The following GABBR2 variants were observed in gnomAD, a reference collection of about 807,000 sequenced individuals.
GABBR2 encodes G-protein coupled receptor 51.
Under a neutral mutation model 105.6 loss-of-function variants are expected in GABBR2, and 23 were observed. The ratio of observed to expected loss-of-function variants is 0.22; its 90% confidence interval spans 0.16 to 0.31. GABBR2 has a LOEUF of 0.31. Among genes scored for constraint, GABBR2 ranks in the 10% least tolerant of loss-of-function variants. The probability of loss-of-function intolerance (pLI) is 1.00; values close to 1 mark genes in which losing one functional copy is unlikely to be tolerated. For missense variants in GABBR2, 734 were observed against 1,245.5 expected (o/e 0.59, Z 6.18); for synonymous variants, 478 against 499.7 (o/e 0.96, Z 0.58).
intron 12 of GABBR2, among the ~76,000 whole-genome samples, chr9:98,366,371 G>A (rs576609374): frequency 6.6e-6 from 1 of 152,192 alleles, no homozygotes; most frequent in Non-Finnish European, 1.5e-5. Flanking sequence ...GGAGGGTAAG[G>A]TAGAGAAGAG....
At position 98,330,081 on chromosome 9, in the gene GABBR2, C is replaced by T. The variant is rs150136292; in HGVS notation, c.1894-18876G>A. 5.6e-3 allele frequency among the ~76,000 whole-genome samples: 850 copies of T among 152,276 alleles called. 7 individuals carry two copies. The highest frequency in any genetic ancestry group is 0.02 in the African/African-American group (819 of 41,538). On this transcript the variant is annotated intron_variant, in intron 13 of 18. Transcript: ENST00000259455. ...CTCCACTGCTGAATTTCCTGTATGGCTCTCCAGTGCCTCCAGGTTAAAGTC... is the reference window on the plus strand; with the variant it reads ...CTCCACTGCTGAATTTCCTGTATGGTTCTCCAGTGCCTCCAGGTTAAAGTC...
chr9:98,627,993 T>C (rs1379955471), intron 1 of GABBR2, among the ~76,000 whole-genome samples: 1 of 152,238 alleles, frequency 6.6e-6, no homozygotes, highest in African/African-American at 2.4e-5. Flanking sequence ...CAAGACTTCA[T>C]GTTCCAATTG....
chr9:98,483,405 G>C (rs1016048494), intron 4 of GABBR2, among the ~76,000 whole-genome samples: 1 of 152,212 alleles, frequency 6.6e-6, no homozygotes, highest in Middle Eastern at 3.4e-3. Flanking sequence ...CAGAGGAAGG[G>C]TTCATTCCTA....
chr9:98,648,162 T>C (rs10125405), intron 1 of GABBR2, among the ~76,000 whole-genome samples: 38,008 of 148,180 alleles, frequency 0.26, 5,871 homozygotes, highest in East Asian at 0.54. Flanking sequence ...GATAGAGTCT[T>C]ACTCTGTCAC....
chr9:98,465,121 T>TAAAAAAA (rs57747633), intron 6 of GABBR2, among the ~76,000 whole-genome samples: 2 of 21,978 alleles, frequency 9.1e-5, no homozygotes, highest in Non-Finnish European at 1.5e-4. Flanking sequence ...CAATAAATAC[T>TAAAAAAA]AAAAAAAAAA....
At chr9:98,629,370 C>G (rs1829787853) in intron 1 of GABBR2, among the ~76,000 whole-genome samples, 1 of 152,186 alleles carries the variant, frequency 6.6e-6, no homozygotes. Flanking sequence ...TAAGTTGATT[C>G]TAATCATTCA....
In GABBR2 at chr9:98,319,300, G is replaced by A. The variant is rs115821376; in HGVS notation, c.1894-8095C>T. ...CCCCCACTGCAGACAGCCACAGAGC[G>A]CTGGAGCTGGGAGGAACCTTCCAGA... On this transcript the variant is annotated intron_variant, in intron 13 of 18. Transcript: ENST00000259455. 1.6e-3 allele frequency among the ~76,000 whole-genome samples: 246 copies of A among 152,264 alleles called. 1 individual carries two copies. The highest frequency in any genetic ancestry group is 5.8e-3 in the African/African-American group (239 of 41,540).
intron 13 of GABBR2, among the ~76,000 whole-genome samples, chr9:98,362,256 G>A (rs1315620600): frequency 6.6e-6 from 1 of 152,214 alleles, no homozygotes. Flanking sequence ...TTTATGTGAG[G>A]TTCCTTATTT....
At chr9:98,574,096 G>A (rs1247982344) in intron 2 of GABBR2, among the ~76,000 whole-genome samples, 1 of 152,210 alleles carries the variant, frequency 6.6e-6, no homozygotes, top group African/African-American at 2.4e-5. Flanking sequence ...ATGAGCAGGA[G>A]TTCTGCAAAA....
intron 4 of GABBR2, among the ~76,000 whole-genome samples, chr9:98,489,875 C>T (rs1452526988): frequency 6.6e-6 from 1 of 152,150 alleles, no homozygotes; most frequent in Non-Finnish European, 1.5e-5. Context: ...GACGGATCAC[C>T]TAAGGTCAGG....
At chr9:98,492,480 T>C (rs71501865) in intron 4 of GABBR2, among the ~76,000 whole-genome samples, 2 of 151,992 alleles carry the variant, frequency 1.3e-5, no homozygotes, top group South Asian at 2.1e-4. Flanking sequence ...TAGTATTTTG[T>C]GCATTTGTCA....
At position 98,527,648 on chromosome 9, in the gene GABBR2, G is replaced by A. The variant is rs189024709; in HGVS notation, c.630+14225C>T. Among the ~76,000 whole-genome samples, 397 of 151,974 alleles carry A rather than the reference G, an allele frequency of 2.6e-3. 1 individual carries two copies. The highest frequency in any genetic ancestry group is 4.4e-3 in the South Asian group (21 of 4,804). On this transcript the variant is annotated intron_variant, in intron 3 of 18. Transcript: ENST00000259455. ...AAAATACCTGATAATAAACCTAACCGTTCATGGAAAGGACCTGTATGAAGA... is the reference window on the plus strand; with the variant it reads ...AAAATACCTGATAATAAACCTAACCATTCATGGAAAGGACCTGTATGAAGA...
chr9:98,468,883 C>G (rs557867404), intron 6 of GABBR2, among the ~76,000 whole-genome samples: 1 of 152,232 alleles, frequency 6.6e-6, no homozygotes, highest in Admixed American at 6.5e-5. Context: ...TGTCCCTAAG[C>G]ACGTCACAGG....
chr9:98,602,093 C>T lies in GABBR2; in HGVS notation c.322-24021G>A, dbSNP rs143613496. Reference sequence around the variant, plus strand: ...ACAGCTCACTGCAGCCTCACCCTCCCGGGCTCAAGCAATCCTCCCTCCTCA... The same window carrying T: ...ACAGCTCACTGCAGCCTCACCCTCCTGGGCTCAAGCAATCCTCCCTCCTCA... On this transcript the variant is annotated intron_variant, in intron 1 of 18. Transcript: ENST00000259455. Among the ~76,000 whole-genome samples the T allele has an allele frequency of 8.2e-3, 1,254 of 152,078 alleles. 26 individuals carry two copies. The highest frequency in any genetic ancestry group is 0.028 in the African/African-American group (1,178 of 41,458).
intron 13 of GABBR2, among the ~76,000 whole-genome samples, chr9:98,320,758 C>T (rs1354269740): frequency 1.4e-5 from 2 of 142,438 alleles, no homozygotes; most frequent in African/African-American, 2.6e-5. Context: ...TATTCTCACT[C>T]ATAGGTGGGA....
Position 98,371,668 on chromosome 9 carries a change from G to A in GABBR2, c.1663-97C>T, listed in dbSNP as rs372289395. ...CTGCAAGGGGACTCTTTATGATGGGGACAAATACTCCCCTCTGCATATAGT... is the reference window on the plus strand; with the variant it reads ...CTGCAAGGGGACTCTTTATGATGGGAACAAATACTCCCCTCTGCATATAGT... On this transcript the variant is annotated intron_variant, in intron 11 of 18. Coordinates refer to ENST00000259455, the MANE Select transcript of GABBR2 (RefSeq NM_005458.8). The A allele has an allele frequency of 7.5e-5, 52 of 696,700 alleles. No individual in the cohort carries two copies. The African/African-American group carries it at 8.9e-4, about 12-fold the overall frequency. The allele number at this position is 696,700 out of a possible 1,614,324, so 43.2% of individuals were successfully genotyped here. A position where few individuals can be genotyped will look rare whatever the true frequency, so the allele number is the denominator to read the frequency against.
chr9:98,369,060 A>T (rs1831731674), intron 12 of GABBR2, among the ~76,000 whole-genome samples: 3 of 152,224 alleles, frequency 2.0e-5, no homozygotes, highest in African/African-American at 7.2e-5. Context: ...TCCAGCCCCA[A>T]AGCCCTCATT....
chr9:98,436,267 A>G (rs1290147503), intron 7 of GABBR2, among the ~76,000 whole-genome samples: 1 of 113,140 alleles, frequency 8.8e-6, no homozygotes. Context: ...TCTGTTATTT[A>G]AACAACAACA....
At chr9:98,485,003 G>A (rs1206498948) in intron 4 of GABBR2, among the ~76,000 whole-genome samples, 1 of 152,186 alleles carries the variant, frequency 6.6e-6, no homozygotes, top group Non-Finnish European at 1.5e-5. Flanking sequence ...AGGGGGTAGG[G>A]AGGGGCAGCC....
Sources: allele counts gnomAD v4.1 joint callset (sites outside exome capture counted in the v4.1 genomes callset), GRCh38; gene constraint gnomAD v4.1.1; transcripts MANE v1.5; gene names NCBI Gene and HGNC (gene_info 2026-07-23, HGNC 2026-07-21).